The following ITGB2 variants were observed in gnomAD, a reference collection of about 807,000 sequenced individuals.
ITGB2 encodes the protein integrin beta-2.
A neutral mutation model predicts 86.8 loss-of-function variants in ITGB2; 56 were observed. The observed-to-expected ratio is 0.65, with a 90% CI of 0.52 to 0.81. The LOEUF (loss-of-function observed/expected upper bound fraction) is 0.81. Ranked by LOEUF, ITGB2 falls within the 30% of genes least tolerant of loss-of-function variation. The pLI is 0.00. For synonymous variants in ITGB2, 457 were observed against 450.4 expected (o/e 1.01, Z -0.19); for missense variants, 948 against 1,061.2 (o/e 0.89, Z 1.48).
At position 44,919,400 on chromosome 21, in the gene ITGB2, A is replaced by G. The variant is rs192503554; in HGVS notation, c.-4+1421T>C. On this transcript the variant is annotated intron_variant, in intron 1 of 15. Coordinates refer to ENST00000652462, the MANE Select transcript of ITGB2 (RefSeq NM_000211.5). ...GATTCTGCTGTGAGCTGGATGGGGA[A>G]GGAGTTCCTTCCTAAAATGTGGAGT... 3.4e-3 allele frequency among the ~76,000 whole-genome samples: 515 copies of G among 152,312 alleles called. 3 individuals are homozygous for G. Among genetic ancestry groups the G allele is most frequent in the African/African-American group, 0.012 (492 of 41,574 alleles).
upstream of ITGB2, among the ~76,000 whole-genome samples, chr21:44,924,809 G>A (rs373310015): frequency 9.9e-5 from 15 of 152,222 alleles, no homozygotes; most frequent in East Asian, 1.9e-4. Context: ...CTGAAGCCTC[G>A]TGACCCACAG....
Position 44,888,726 on chromosome 21 carries a change from C to A in ITGB2, c.2047G>T (p.Asp683Tyr). 6.2e-7 allele frequency: 1 copy of A among 1,610,766 alleles called. No individual in the cohort carries two copies. The highest frequency in any genetic ancestry group is 8.5e-7 in the Non-Finnish European group (1 of 1,179,952). The change falls in exon 14 of 16, where the codon GAC becomes TAC. Residue 683 changes from aspartate (D) to tyrosine (Y), a missense_variant. By Grantham distance (160) the Asp-to-Tyr change is radical. Transcript: ENST00000652462. ...TCATCCACATAGATGAGGTAGCGGT[C>A]CATCCCGTCCTGCTGCTCCAGCGTG... ...AYTLEQQDGM[D>Y]RYLIYVDESR...
At chr21:44,893,569 T>TG in intron 9 of ITGB2, 25 bp from the exon 10 acceptor site, 1 of 1,612,740 alleles carries the variant, frequency 6.2e-7, no homozygotes, top group Non-Finnish European at 8.5e-7. Flanking sequence ...CGGTTACTCT[T>TG]GGGGGCGAGT....
At chr21:44,897,212 G>T (rs1281495595) in intron 8 of ITGB2, among the ~76,000 whole-genome samples, 1 of 152,246 alleles carries the variant, frequency 6.6e-6, no homozygotes, top group Non-Finnish European at 1.5e-5. Context: ...AACACACCAC[G>T]AGGTTGAGCT....
In ITGB2 at chr21:44,893,452, G is replaced by A. The variant is rs777889637; in HGVS notation, c.1176C>T (p.His392=). The A allele has an allele frequency of 1.9e-5, 30 of 1,614,076 alleles. No homozygotes were observed. In the African/African-American group the frequency reaches 2.8e-4, roughly 15 times the overall value. ...YDSFCSNGVT[H]RNQPRGDCDG... Reference sequence around the variant, plus strand: ...CACAGTCACCTCTGGGCTGGTTCCTGTGCGTCACTCCATTGCTGCAGAAGG... The same window carrying A: ...CACAGTCACCTCTGGGCTGGTTCCTATGCGTCACTCCATTGCTGCAGAAGG... The change falls in exon 10 of 16, where the codon CAC becomes CAT. Residue 392 remains histidine (H), a synonymous_variant. Transcript: ENST00000652462.
chr21:44,910,164 G>C, intron 3 of ITGB2, 120 bp downstream of exon 3: 3 of 1,350,004 alleles, frequency 2.2e-6, no homozygotes, highest in Non-Finnish European at 3.0e-6. Context: ...GCCAGGGTCT[G>C]GGGACCCCCT....
At chr21:44,896,730 G>A (rs1233964658) in intron 8 of ITGB2, among the ~76,000 whole-genome samples, 5 of 152,198 alleles carry the variant, frequency 3.3e-5, no homozygotes, top group African/African-American at 4.8e-5. Flanking sequence ...CACTCGGAGG[G>A]GGCGTGGCAC....
intron 10 of ITGB2, 166 bp downstream of exon 10, chr21:44,893,238 C>T (rs2083816075): frequency 2.7e-6 from 2 of 741,006 alleles, no homozygotes; most frequent in Admixed American, 2.2e-5. Flanking sequence ...CCTCTGATGC[C>T]TGTGTGCCCC....
intron 1 of ITGB2, among the ~76,000 whole-genome samples, chr21:44,918,474 G>A (rs931650514): frequency 3.3e-5 from 5 of 152,226 alleles, no homozygotes; most frequent in Non-Finnish European, 7.4e-5. Flanking sequence ...TGACTATAGA[G>A]ACAGCTGGAG....
intron 8 of ITGB2, among the ~76,000 whole-genome samples, chr21:44,898,560 T>C (rs1028587605): frequency 2.6e-5 from 4 of 152,222 alleles, no homozygotes; most frequent in African/African-American, 9.6e-5. Flanking sequence ...GCTGAACACA[T>C]GGCACTAGCA....
intron 6 of ITGB2, among the ~76,000 whole-genome samples, 155 bp from the exon 7 acceptor site, chr21:44,900,630 C>T (rs1390190231): frequency 6.7e-6 from 1 of 148,930 alleles, no homozygotes; most frequent in Non-Finnish European, 1.5e-5. Context: ...TGTGTTCCCC[C>T]AGACGCCACG....
Position 44,907,038 on chromosome 21 carries a change from G to GCCCCGT in ITGB2, c.204_205insACGGGG (p.Leu68_Leu69insThrGly). ...TCGTCAGCCGCACAGCCCCTCATGA[G>GCCCCGT]CAGCTGTGGCCGGGTGTCGCAGCGA... is the stretch of plus-strand genomic sequence containing the variant. On this transcript the variant is annotated inframe_insertion, in exon 4 of 16. Transcript: ENST00000652462. 4 of 1,613,530 alleles carry GCCCCGT rather than the reference G, an allele frequency of 2.5e-6. No individual in the cohort carries two copies. The highest frequency in any genetic ancestry group is 3.4e-6 in the Non-Finnish European group (4 of 1,179,524).
chr21:44,919,362 C>T, intron 1 of ITGB2, among the ~76,000 whole-genome samples: 1 of 152,234 alleles, frequency 6.6e-6, no homozygotes, highest in East Asian at 1.9e-4. Context: ...GCCAGGCTGG[C>T]AGGGACCCTG....
chr21:44,890,259 C>CA, intron 11 of ITGB2, 37 bp from the exon 12 acceptor site: 1 of 1,611,726 alleles, frequency 6.2e-7, no homozygotes, highest in Middle Eastern at 1.7e-4. Flanking sequence ...AGGCTCCCCC[C>CA]AGTGATGTGG....
Position 44,899,300 on chromosome 21 carries a change from T to G in ITGB2, c.898-138A>C, listed in dbSNP as rs568652680. 5.6e-6 allele frequency: 4 copies of G among 711,424 alleles called. No individual in the cohort carries two copies. The African/African-American group carries it at 7.0e-5, about 12-fold the overall frequency. 44.1% of individuals were successfully genotyped at this position (711,424 alleles called of 1,614,324 possible). A position where few individuals can be genotyped will look rare whatever the true frequency, so the allele number is the denominator to read the frequency against. On this transcript the variant is annotated intron_variant, in intron 7 of 15. Coordinates refer to ENST00000652462, the MANE Select transcript of ITGB2 (RefSeq NM_000211.5). ...TGGGGAAGGCTGGAGAGGCAGAGGC[T>G]GCCACGCAGGAGTGCAGGGCAGAGA... is the stretch of plus-strand genomic sequence containing the variant.
At chr21:44,901,400 C>T (rs910286187) in intron 6 of ITGB2, 92 bp downstream of exon 6, 13 of 1,493,742 alleles carry the variant, frequency 8.7e-6, no homozygotes, top group East Asian at 4.9e-5. Flanking sequence ...GACGACCTGC[C>T]GGCCAGGGTA....
At position 44,886,726 on chromosome 21, in the gene ITGB2, G is replaced by A. The variant is rs147248229; in HGVS notation, c.2247+10C>T. The A allele has an allele frequency of 1.4e-4, 234 of 1,613,976 alleles. 3 individuals are homozygous for A. The East Asian group carries it at 4.5e-3, about 31-fold the overall frequency. ...CCCTCTGCGTGGGACCCCCAAGGAC[G>A]GCCACTTACATTGTTCCACTGGGAC... On this transcript the variant is annotated intron_variant, in intron 15 of 15. Transcript: ENST00000652462.
chr21:44,892,468 A>T (rs7281466), intron 10 of ITGB2, among the ~76,000 whole-genome samples: 34,160 of 152,080 alleles, frequency 0.22, 4,016 homozygotes, highest in Middle Eastern at 0.37. Context: ...AAAAATACAA[A>T]AATTAGCCGA....
In ITGB2 at chr21:44,886,832, A is replaced by G. The variant is rs1434821956; in HGVS notation, c.2151T>C (p.Ile717=). Residue 717 remains isoleucine, a synonymous_variant, in exon 15 of 16, where the codon ATT becomes ATC. Transcript: ENST00000652462. ...GAGCCTTCCAGATGACCAGCAGGAG[A>G]ATGCCGATCAGCACGATGCCTGCCA... ...GTVAGIVLIG[I]LLLVIWKALI... is the part of the protein sequence containing the mutation. 6.2e-7 allele frequency: 1 copy of G among 1,613,666 alleles called. No homozygotes were observed. The highest frequency in any genetic ancestry group is 1.3e-5 in the African/African-American group (1 of 74,914).
Sources: allele counts gnomAD v4.1 joint callset (sites outside exome capture counted in the v4.1 genomes callset), GRCh38; gene constraint gnomAD v4.1.1; transcripts MANE v1.5; gene names NCBI Gene and HGNC (gene_info 2026-07-23, HGNC 2026-07-21).